RNF216: variants seen among roughly 807,000 people sequenced by gnomAD.
The protein encoded by RNF216 is E3 ubiquitin-protein ligase RNF216.
In RNF216, 72 loss-of-function variants were observed where a neutral mutation model predicts 110.8. That is an observed-to-expected ratio of 0.65 (90% CI 0.54 to 0.79). RNF216 has a LOEUF of 0.79. Ranked by LOEUF, RNF216 falls within the 30% of genes least tolerant of loss-of-function variation. RNF216 has a pLI of 0.00. For synonymous variants in RNF216, 495 were observed against 407.5 expected (o/e 1.21, Z -2.59); for missense variants, 1,342 against 1,141.2 (o/e 1.18, Z -2.54).
intron 2 of RNF216, among the ~76,000 whole-genome samples, chr7:5,757,123 G>C (rs1047597183): frequency 6.6e-6 from 1 of 152,090 alleles, no homozygotes; most frequent in East Asian, 1.9e-4. Context: ...TACATTTGTT[G>C]ACCATGTTCT....
chr7:5,729,913 G>C (rs116938992), intron 6 of RNF216, among the ~76,000 whole-genome samples: 2,919 of 152,218 alleles, frequency 0.019, 43 homozygotes, highest in Non-Finnish European at 0.03. Context: ...AAGAGAGACA[G>C]TCAAAGAATC....
intron 13 of RNF216, among the ~76,000 whole-genome samples, chr7:5,656,842 T>G (rs1788777664): frequency 6.6e-6 from 1 of 152,174 alleles, no homozygotes; most frequent in Non-Finnish European, 1.5e-5. Flanking sequence ...GAGCTGAAAT[T>G]TCTTCACATA....
chr7:5,781,149 C>T (rs933247252), intron 1 of RNF216, among the ~76,000 whole-genome samples: 49 of 152,310 alleles, frequency 3.2e-4, no homozygotes, highest in African/African-American at 1.0e-3. Flanking sequence ...CGCCTCCCGC[C>T]GCTCCTCCAG....
Position 5,715,179 on chromosome 7 carries a change from C to T in RNF216, c.1707G>A (p.Leu569=). 1 of 1,613,168 alleles carries T rather than the reference C, an allele frequency of 6.2e-7. No homozygotes were observed. The highest frequency in any genetic ancestry group is 8.5e-7 in the Non-Finnish European group (1 of 1,179,876). ...CCCCATAGCAGCAGCGACACTCAAT[C>T]AGCTGGCCATCCTGCAGGCAGTCAA... ...NEEQYQKDGQ[L]IECRCCYGEF... is the part of the protein sequence containing the mutation. The change falls in exon 11 of 17, where the codon CTG becomes CTA. Residue 569 remains leucine (L), a synonymous_variant. Transcript: ENST00000389902.
At chr7:5,737,110 A>T (rs892729068) in intron 5 of RNF216, among the ~76,000 whole-genome samples, 2 of 152,346 alleles carry the variant, frequency 1.3e-5, no homozygotes, top group Non-Finnish European at 2.9e-5. Flanking sequence ...AAGATAGAGA[A>T]ATCAGATTGT....
chr7:5,624,176 A>C lies in RNF216; in HGVS notation c.2383-51T>G. The C allele has an allele frequency of 6.6e-7, 1 of 1,524,196 alleles. No individual in the cohort carries two copies. 94.4% of individuals were successfully genotyped at this position (1,524,196 alleles called of 1,614,324 possible). A position where few individuals can be genotyped will look rare whatever the true frequency, so the allele number is the denominator to read the frequency against. On this transcript the variant is annotated intron_variant, in intron 15 of 16. Transcript: ENST00000389902. This position sits in a 1 kb window ranked among gnomAD's most constrained non-coding sequence, Gnocchi z 4.4. ...GAACCTGTAGCTTCATGCAGTGCTG[A>C]GGCCCCGTGGGACAGTGAGGAGGCC...
chr7:5,729,634 A>T (rs774884816), intron 6 of RNF216, 38 bp from the exon 7 acceptor site: 1 of 1,551,524 alleles, frequency 6.4e-7, no homozygotes, highest in East Asian at 2.2e-5. Flanking sequence ...GAGGCCAGGC[A>T]GTACATTTCC....
At chr7:5,729,893 C>T (rs7794225) in intron 6 of RNF216, among the ~76,000 whole-genome samples, 197 of 152,212 alleles carry the variant, frequency 1.3e-3, no homozygotes, top group African/African-American at 4.6e-3. Flanking sequence ...TTTTCTATTA[C>T]AGAATACGTA....
chr7:5,765,387 T>G (rs937362399), intron 1 of RNF216, among the ~76,000 whole-genome samples: 12 of 151,382 alleles, frequency 7.9e-5, no homozygotes, highest in African/African-American at 2.9e-4. Flanking sequence ...TTGCTTCAGC[T>G]TGGAAGGTGG....
intron 2 of RNF216, among the ~76,000 whole-genome samples, chr7:5,756,364 AC>A (rs1418434180): frequency 2.0e-5 from 3 of 152,218 alleles, no homozygotes; most frequent in Admixed American, 6.5e-5. Context: ...CTTTCATGCT[AC>A]AATGGTATAG....
At chr7:5,766,242 A>G (rs1300609550) in intron 1 of RNF216, among the ~76,000 whole-genome samples, 2 of 152,116 alleles carry the variant, frequency 1.3e-5, no homozygotes, top group African/African-American at 4.8e-5. Context: ...GTGAGCCATG[A>G]GTGTGCCACT....
At chr7:5,631,266 A>T (rs544496969) in intron 15 of RNF216, among the ~76,000 whole-genome samples, 2 of 152,268 alleles carry the variant, frequency 1.3e-5, no homozygotes, top group South Asian at 4.1e-4. Flanking sequence ...CCATCCCCTG[A>T]AACAGCCCAC....
intron 2 of RNF216, chr7:5,760,633 G>A (rs913423150): frequency 3.3e-6 from 1 of 307,576 alleles, no homozygotes; most frequent in African/African-American, 2.2e-5. Flanking sequence ...ATCATGGGAA[G>A]ACAAGACTGG....
intron 16 of RNF216, 71 bp from the exon 17 acceptor site, chr7:5,623,250 G>A (rs1452156085): frequency 2.1e-6 from 3 of 1,425,848 alleles, no homozygotes; most frequent in Non-Finnish European, 1.9e-6. Context: ...CTGGGACCAG[G>A]GCAGCGACCT....
intron 13 of RNF216, among the ~76,000 whole-genome samples, chr7:5,676,075 G>A (rs1451817956): frequency 2.0e-5 from 3 of 151,530 alleles, no homozygotes; most frequent in South Asian, 2.1e-4. Context: ...AGTGCAACGC[G>A]ATCTCGGCTC....
chr7:5,626,932 C>T (rs1786744670), intron 15 of RNF216, among the ~76,000 whole-genome samples: 2 of 152,146 alleles, frequency 1.3e-5, no homozygotes, highest in South Asian at 2.1e-4. Flanking sequence ...AAGTGGTGCA[C>T]ACTGGGAGAC....
At chr7:5,638,869 AAGT>A (rs1184246249) in intron 15 of RNF216, among the ~76,000 whole-genome samples, 2 of 152,124 alleles carry the variant, frequency 1.3e-5, no homozygotes, top group African/African-American at 4.8e-5. Context: ...TCCAGGATGC[AAGT>A]GATGCTCCTG....
chr7:5,625,671 TG>T (rs1423830414), intron 15 of RNF216, among the ~76,000 whole-genome samples: 1 of 152,254 alleles, frequency 6.6e-6, no homozygotes, highest in Non-Finnish European at 1.5e-5. Flanking sequence ...AAACGTGCAC[TG>T]CATGCCTACT....
intron 10 of RNF216, among the ~76,000 whole-genome samples, chr7:5,715,736 C>CTTTTTTTTTTT (rs58929486): frequency 8.8e-6 from 1 of 113,832 alleles, no homozygotes; most frequent in African/African-American, 3.3e-5. Flanking sequence ...CCAACTCATT[C>CTTTTTTTTTTT]TTTTTTTTTT....
Sources: gnomAD v4.1 joint callset for allele counts (sites outside exome capture counted in the v4.1 genomes callset) on GRCh38, gnomAD v4.1.1 for gene constraint, Gnocchi (gnomAD v3.1) non-coding constraint, MANE v1.5 for transcripts, NCBI Gene and HGNC (gene_info 2026-07-23, HGNC 2026-07-21) for gene names.